Variants in SNTB2 observed in about 807,000 individuals in gnomAD.
SNTB2 encodes the protein beta-2-syntrophin.
A neutral mutation model predicts 46.2 loss-of-function variants in SNTB2; 34 were observed. The ratio of observed to expected loss-of-function variants is 0.74; its 90% CI spans 0.56 to 0.98. The LOEUF is 0.98. Ranked by LOEUF, SNTB2 falls within the 50% of genes least tolerant of loss-of-function variation. SNTB2 has a pLI of 0.00. For synonymous variants in SNTB2, 290 were observed against 312.6 expected (o/e 0.93, Z 0.76); for missense variants, 603 against 731.4 (o/e 0.82, Z 2.02).
At chr16:69,208,876 A>G (rs550271043) in intron 1 of SNTB2, among the ~76,000 whole-genome samples, 1 of 152,236 alleles carries the variant, frequency 6.6e-6, no homozygotes, top group African/African-American at 2.4e-5. Flanking sequence ...AACCAGAAAT[A>G]TACATATTTC....
intron 5 of SNTB2, among the ~76,000 whole-genome samples, chr16:69,297,456 A>G (rs1965237387): frequency 6.6e-6 from 1 of 151,576 alleles, no homozygotes; most frequent in South Asian, 2.1e-4. Context: ...TGTCTCTACT[A>G]AAAATACATA....
At chr16:69,222,500 G>A (rs1964415357) in intron 1 of SNTB2, among the ~76,000 whole-genome samples, 1 of 151,800 alleles carries the variant, frequency 6.6e-6, no homozygotes, top group Non-Finnish European at 1.5e-5. Flanking sequence ...AGCAGAGGTA[G>A]GAGAATCACT....
At chr16:69,208,977 T>C (rs1254593734) in intron 1 of SNTB2, among the ~76,000 whole-genome samples, 1 of 152,070 alleles carries the variant, frequency 6.6e-6, no homozygotes, top group Non-Finnish European at 1.5e-5. Context: ...TTTGAGTGTG[T>C]GTGTGTGTGT....
chr16:69,235,782 C>T, intron 1 of SNTB2: 1 of 1,289,324 alleles, frequency 7.8e-7, no homozygotes, highest in Non-Finnish European at 1.0e-6. Flanking sequence ...TGACCAATAT[C>T]AGGGGCACAT....
intron 1 of SNTB2, among the ~76,000 whole-genome samples, chr16:69,241,553 G>A (rs1964614854): frequency 2.7e-5 from 4 of 150,912 alleles, no homozygotes; most frequent in South Asian, 2.1e-4. Context: ...GGGAGACTCC[G>A]AGGTGGGCAG....
intron 1 of SNTB2, among the ~76,000 whole-genome samples, chr16:69,231,482 G>C (rs761474712): frequency 1.3e-5 from 2 of 152,090 alleles, no homozygotes; most frequent in African/African-American, 2.4e-5. Context: ...CCAGCTACTC[G>C]GGAGGCTGAG....
At position 69,306,300 on chromosome 16, in the gene SNTB2, A is replaced by G. The variant is rs1965316076; in HGVS notation, c.*5376A>G. On this transcript the variant is annotated 3_prime_UTR_variant, in exon 7 of 7. Coordinates refer to ENST00000336278, the MANE Select transcript of SNTB2 (RefSeq NM_006750.4). ...ACTGCCAACTAGAAGAATGGTTGTT[A>G]TGTAGTAACTCAGAAGAATCTTTTA... The G allele has an allele frequency of 6.6e-6, 1 of 152,086 alleles. No individual in the cohort carries two copies. The highest frequency in any genetic ancestry group is 2.1e-4 in the South Asian group (1 of 4,832). The allele number at this position is 152,086 out of a possible 1,614,324, so 9.4% of individuals were successfully genotyped here. A position where few individuals can be genotyped will look rare whatever the true frequency, so the allele number is the denominator to read the frequency against.
intron 1 of SNTB2, among the ~76,000 whole-genome samples, chr16:69,188,785 T>C (rs1259573072): frequency 6.6e-6 from 1 of 152,076 alleles, no homozygotes; most frequent in Non-Finnish European, 1.5e-5. Context: ...GCAAAACAAC[T>C]TATAGGGAGG....
chr16:69,252,355 G>A (rs1168863464), intron 2 of SNTB2, among the ~76,000 whole-genome samples: 1 of 152,172 alleles, frequency 6.6e-6, no homozygotes, highest in Non-Finnish European at 1.5e-5. Context: ...ATTCTGGAAA[G>A]CGAACACTTA....
In SNTB2 at chr16:69,187,251, G is replaced by T; in HGVS notation, c.85G>T (p.Glu29Ter). Residue 29 changes from glutamate to a stop codon, truncating the protein, a stop_gained, in exon 1 of 7, where the codon GAG becomes TAG. Coordinates refer to ENST00000336278, the MANE Select transcript of SNTB2 (RefSeq NM_006750.4). LOFTEE classifies it high-confidence loss of function. ...WTRATKAGLV[E>*]LLLRERWVRV... ...GCGGGCCACCAAAGCGGGGCTGGTG[G>T]AGCTGCTCCTGAGGGAGCGCTGGGT... is the stretch of plus-strand genomic sequence containing the variant. 6.7e-7 allele frequency: 1 copy of T among 1,482,352 alleles called. No homozygotes were observed. Among genetic ancestry groups the T allele is most frequent in the East Asian group, 2.8e-5 (1 of 35,854 alleles). The allele number at this position is 1,482,352 out of a possible 1,614,324, so 91.8% of individuals were successfully genotyped here.
intron 4 of SNTB2, among the ~76,000 whole-genome samples, chr16:69,275,724 T>C (rs1344670003): frequency 1.3e-5 from 2 of 152,332 alleles, no homozygotes; most frequent in East Asian, 3.9e-4. Context: ...TTAATTTCCC[T>C]AATTCTATTG....
intron 5 of SNTB2, among the ~76,000 whole-genome samples, chr16:69,296,067 G>A (rs899626369): frequency 1.3e-4 from 20 of 151,944 alleles, no homozygotes; most frequent in Admixed American, 2.6e-4. Flanking sequence ...ATCACCTGAG[G>A]TCGGGAGTTC....
intron 1 of SNTB2, among the ~76,000 whole-genome samples, chr16:69,195,582 G>T (rs1033963371): frequency 6.6e-6 from 1 of 151,986 alleles, no homozygotes; most frequent in African/African-American, 2.4e-5. Context: ...GGGATCCAAA[G>T]GCTCAAATTA....
At chr16:69,203,723 C>G (rs1183723888) in intron 1 of SNTB2, among the ~76,000 whole-genome samples, 1 of 151,986 alleles carries the variant, frequency 6.6e-6, no homozygotes, top group East Asian at 1.9e-4. Flanking sequence ...CTCCCTTTCC[C>G]TTTTTTATTG....
At chr16:69,239,150 G>A (rs1425541754) in intron 1 of SNTB2, among the ~76,000 whole-genome samples, 2 of 151,908 alleles carry the variant, frequency 1.3e-5, no homozygotes, top group African/African-American at 4.8e-5. Flanking sequence ...TATTTGCATG[G>A]CCAACTCCCC....
intron 1 of SNTB2, chr16:69,235,631 G>T: frequency 8.5e-7 from 1 of 1,177,860 alleles, no homozygotes; most frequent in East Asian, 6.0e-5. Context: ...GGCGGGAAGT[G>T]GGGAGCAGAA....
rs779603981 is a variant in SNTB2, at chr16:69,187,395, G to T, written c.229G>T (p.Gly77Cys). ...AAAFNGLPNG[G>C]GAGDSLPGSP... is the part of the protein sequence containing the mutation. ...CGCCTTCAACGGCCTCCCAAACGGC[G>T]GCGGCGCGGGCGACTCGCTGCCCGG... is the stretch of plus-strand genomic sequence containing the variant. Residue 77 changes from glycine (G) to cysteine (C), a missense_variant, in exon 1 of 7, where the codon GGC (glycine) becomes TGC (cysteine). Around this residue, in one of 2 missense-constraint regions of SNTB2, gnomAD observed 537 missense variants for 692.4 expected, o/e 0.78. Coordinates refer to ENST00000336278, the MANE Select transcript of SNTB2 (RefSeq NM_006750.4). 642 of 1,274,190 alleles carry T rather than the reference G, an allele frequency of 5.0e-4. 1 individual carries two copies. The highest frequency in any genetic ancestry group is 5.8e-4 in the Non-Finnish European group (592 of 1,014,772). The allele number at this position is 1,274,190 out of a possible 1,614,324, so 78.9% of individuals were successfully genotyped here. A position where few individuals can be genotyped will look rare whatever the true frequency, so the allele number is the denominator to read the frequency against.
intron 1 of SNTB2, among the ~76,000 whole-genome samples, chr16:69,238,412 C>T (rs776888877): frequency 6.6e-6 from 1 of 152,184 alleles, no homozygotes; most frequent in African/African-American, 2.4e-5. Flanking sequence ...TTTCCCTGCA[C>T]TCTGCCCACA....
At chr16:69,286,713 G>GAA (rs111268474) in intron 5 of SNTB2, among the ~76,000 whole-genome samples, 6 of 114,556 alleles carry the variant, frequency 5.2e-5, no homozygotes, top group African/African-American at 1.6e-4. Flanking sequence ...TTAATTAAAT[G>GAA]AAAAAAAAAA....
Sources: gnomAD v4.1 joint callset for allele counts (sites outside exome capture counted in the v4.1 genomes callset) on GRCh38, gnomAD v4.1.1 for gene constraint, gnomAD v4.1.1 regional missense constraint, MANE v1.5 for transcripts, NCBI Gene and HGNC (gene_info 2026-07-23, HGNC 2026-07-21) for gene names.